Variants in EPM2A observed in about 807,000 individuals in gnomAD.
EPM2A encodes EPM2A glucan phosphatase, laforin, also known as laforin.
A neutral mutation model predicts 26.5 loss-of-function variants in EPM2A; 21 were observed. The observed-to-expected ratio is 0.79, with a 90% CI of 0.56 to 1.14. The LOEUF (loss-of-function observed/expected upper bound fraction) is 1.14, where lower values mean the gene tolerates loss of function less well. Ranked by LOEUF, EPM2A falls within the 50% of genes most tolerant of loss-of-function variation. EPM2A has a pLI of 0.00. For missense variants in EPM2A, 458 were observed against 440.8 expected, an observed-to-expected ratio of 1.04 and a Z score of -0.35; for synonymous variants, 217 against 177.6, an observed-to-expected ratio of 1.22 and a Z score of -1.76.
chr6:145,399,470 GT>G (rs1778452037), intron 4 of EPM2A, among the ~76,000 whole-genome samples: 1 of 152,146 alleles, frequency 6.6e-6, no homozygotes, highest in Non-Finnish European at 1.5e-5. Flanking sequence ...ATTACTGGGA[GT>G]TTCTCAAGAG....
chr6:145,386,709 G>A (rs541969821), intron 4 of EPM2A, among the ~76,000 whole-genome samples: 1 of 152,146 alleles, frequency 6.6e-6, no homozygotes, highest in South Asian at 2.1e-4. Flanking sequence ...TGTGATATCA[G>A]TTTTCAGGCA....
intron 2 of EPM2A, among the ~76,000 whole-genome samples, chr6:145,682,163 C>T (rs958887738): frequency 1.3e-5 from 2 of 152,134 alleles, no homozygotes; most frequent in African/African-American, 2.4e-5. Context: ...CAAGGAAGAG[C>T]AAGTCACGTC....
At chr6:145,429,040 C>A (rs1004058072) in intron 4 of EPM2A, among the ~76,000 whole-genome samples, 1 of 152,134 alleles carries the variant, frequency 6.6e-6, no homozygotes, top group Non-Finnish European at 1.5e-5. Flanking sequence ...ATGAGTCAGT[C>A]AATGAAGTAT....
intron 2 of EPM2A, among the ~76,000 whole-genome samples, chr6:145,527,171 TA>T (rs980013476): frequency 8.6e-5 from 13 of 151,886 alleles, no homozygotes; most frequent in South Asian, 6.2e-4. Context: ...TTTTGATTTT[TA>T]AAAAAAAATT....
chr6:145,392,906 TAATTTTTCCATGTCA>T (rs1778356717), intron 4 of EPM2A, among the ~76,000 whole-genome samples: 1 of 152,096 alleles, frequency 6.6e-6, no homozygotes. Context: ...GCCATCCTAG[TAATTTTTCCATGTCA>T]AATAGATTGG....
chr6:145,695,452 T>C (rs904500642), intron 1 of EPM2A, among the ~76,000 whole-genome samples: 1 of 151,968 alleles, frequency 6.6e-6, no homozygotes, highest in African/African-American at 2.4e-5. Flanking sequence ...ATACTATAAT[T>C]ACCTTGAGTG....
chr6:145,624,343 T>C (rs1040145450), downstream of EPM2A, among the ~76,000 whole-genome samples: 2 of 152,200 alleles, frequency 1.3e-5, no homozygotes, highest in Admixed American at 6.5e-5. Context: ...CTTTTCTTCT[T>C]TTGGAAAAGA....
chr6:145,430,844 T>G (rs1175625360), intron 4 of EPM2A, among the ~76,000 whole-genome samples: 1 of 152,180 alleles, frequency 6.6e-6, no homozygotes, highest in East Asian at 1.9e-4. Context: ...TGCAAAAGAA[T>G]GCTGAAAAAA....
chr6:145,615,520 C>A (rs1193316808), intron 2 of EPM2A, among the ~76,000 whole-genome samples: 1 of 151,960 alleles, frequency 6.6e-6, no homozygotes, highest in Non-Finnish European at 1.5e-5. Context: ...GAGTGGGGTG[C>A]TGCTGTAAAT....
intron 4 of EPM2A, among the ~76,000 whole-genome samples, chr6:145,464,695 T>C (rs1437719376): frequency 6.6e-6 from 1 of 152,156 alleles, no homozygotes; most frequent in African/African-American, 2.4e-5. Flanking sequence ...TTTCTCCCAG[T>C]CTGTCACTTT....
At chr6:145,529,590 G>C (rs772450493) in intron 2 of EPM2A, among the ~76,000 whole-genome samples, 2 of 152,180 alleles carry the variant, frequency 1.3e-5, no homozygotes, top group East Asian at 3.8e-4. Context: ...ATATAGTATA[G>C]TGTAACCCTA....
At chr6:145,709,801 C>G (rs370305989) in intron 1 of EPM2A, among the ~76,000 whole-genome samples, 1 of 152,134 alleles carries the variant, frequency 6.6e-6, no homozygotes, top group East Asian at 1.9e-4. Flanking sequence ...AGGAAATAAT[C>G]CAGGGCAGAG....
chr6:145,602,092 A>G (rs1024789239), intron 2 of EPM2A, among the ~76,000 whole-genome samples: 22 of 152,140 alleles, frequency 1.4e-4, no homozygotes, highest in Middle Eastern at 3.4e-3. Flanking sequence ...TTATTTTCTT[A>G]TTTTCTATTT....
intron 4 of EPM2A, among the ~76,000 whole-genome samples, chr6:145,485,842 C>T (rs983849556): frequency 6.6e-6 from 1 of 152,082 alleles, no homozygotes; most frequent in African/African-American, 2.4e-5. Flanking sequence ...TCTCACGTGG[C>T]GGCAGACAAG....
intron 4 of EPM2A, among the ~76,000 whole-genome samples, chr6:145,411,359 GA>G (rs1778640862): frequency 6.6e-6 from 1 of 152,128 alleles, no homozygotes; most frequent in South Asian, 2.1e-4. Context: ...ATAATGACTT[GA>G]TTGATTTAAG....
In EPM2A at chr6:145,733,852, T is replaced by C. The variant is rs74857948; in HGVS notation, c.301+1346A>G. 1.8e-3 allele frequency among the ~76,000 whole-genome samples: 274 copies of C among 152,170 alleles called. 1 individual carries two copies. The highest frequency in any genetic ancestry group is 6.3e-3 in the African/African-American group (261 of 41,566). ...TGTTTCTACATCATTACAGGCTAAA[T>C]GGCCCATTTTTTTTTTCATATAAAC... is the stretch of plus-strand genomic sequence containing the variant. On this transcript the variant is annotated intron_variant, in intron 1 of 3. Transcript: ENST00000367519.
At chr6:145,527,861 T>G (rs138181445) in intron 2 of EPM2A, among the ~76,000 whole-genome samples, 2 of 152,130 alleles carry the variant, frequency 1.3e-5, no homozygotes, top group African/African-American at 4.8e-5. Context: ...AAGTTAGGCC[T>G]CTTGTGCTAG....
At chr6:145,589,769 G>A (rs1401394075) in intron 2 of EPM2A, among the ~76,000 whole-genome samples, 1 of 151,864 alleles carries the variant, frequency 6.6e-6, no homozygotes, top group Non-Finnish European at 1.5e-5. Flanking sequence ...ACCACCAGCA[G>A]CCGGAGAGTG....
chr6:145,721,307 C>T (rs2128638843), intron 1 of EPM2A: 1 of 152,364 alleles, frequency 6.6e-6, no homozygotes, highest in Admixed American at 6.5e-5. Flanking sequence ...GGGCTTCTCA[C>T]TCCTGTATGT....
Sources: gnomAD v4.1 joint callset for allele counts (sites outside exome capture counted in the v4.1 genomes callset) on GRCh38, gnomAD v4.1.1 for gene constraint, MANE v1.5 for transcripts, NCBI Gene and HGNC (gene_info 2026-07-23, HGNC 2026-07-21) for gene names.